Variants in PSMG4 observed in about 807,000 individuals in gnomAD.
The protein encoded by PSMG4 is proteasome (prosome, macropain) assembly chaperone 4.
Under a neutral mutation model 11.0 loss-of-function variants are expected in PSMG4, and 10 were observed. The ratio of observed to expected loss-of-function variants is 0.91; its 90% CI spans 0.56 to 1.54. PSMG4 has a LOEUF of 1.54. Ranked by LOEUF, PSMG4 falls within the 40% of genes most tolerant of loss-of-function variation. The pLI, the probability that PSMG4 is intolerant of heterozygous loss-of-function variation, is 0.00. For synonymous variants in PSMG4, 95 were observed against 71.3 expected (o/e 1.33, Z -1.68); for missense variants, 198 against 160.9 (o/e 1.23, Z -1.25).
rs1201898722 is a variant in PSMG4 at position 3,267,656 on chromosome 6, T to C, written c.316T>C (p.Leu106=). Residue 106 remains leucine, a synonymous_variant, in exon 3 of 3, where the codon TTA becomes CTA. Transcript: ENST00000438998. ...NLQNTDSNFA[L]LVENRIKEEM... ...TCAGAACACAGACAGTAACTTCGCATTACTTGTAGAAAACAGGATCAAGGA... is the reference window on the plus strand; with the variant it reads ...TCAGAACACAGACAGTAACTTCGCACTACTTGTAGAAAACAGGATCAAGGA... 3 of 1,552,224 alleles carry C rather than the reference T, an allele frequency of 1.9e-6. No homozygotes were observed. Among genetic ancestry groups the C allele is most frequent in the Non-Finnish European group, 2.6e-6 (3 of 1,147,064 alleles).
upstream of PSMG4, among the ~76,000 whole-genome samples, chr6:3,256,019 T>G (rs1757750256): frequency 6.6e-6 from 1 of 152,218 alleles, no homozygotes; most frequent in Non-Finnish European, 1.5e-5. Context: ...TTGGTTGGGT[T>G]TATAGAAGTC....
At chr6:3,259,752 CCAGT>C (rs1223228219) in intron 1 of PSMG4, among the ~76,000 whole-genome samples, 3 of 152,204 alleles carry the variant, frequency 2.0e-5, no homozygotes, top group African/African-American at 7.2e-5. Flanking sequence ...GGCACTGCCG[CCAGT>C]CAAAGCAGAC....
upstream of PSMG4, among the ~76,000 whole-genome samples, chr6:3,258,085 C>T (rs1757826840): frequency 6.6e-6 from 1 of 150,736 alleles, no homozygotes; most frequent in Non-Finnish European, 1.5e-5. Flanking sequence ...TTTCTTTTAC[C>T]ACCTTCTCTC....
intron 1 of PSMG4, among the ~76,000 whole-genome samples, chr6:3,260,861 G>A (rs1360192432): frequency 6.6e-6 from 1 of 152,196 alleles, no homozygotes; most frequent in Non-Finnish European, 1.5e-5. Context: ...CGGAGCACTC[G>A]AAGACTCCAG....
chr6:3,257,997 A>T (rs1757822958), upstream of PSMG4, among the ~76,000 whole-genome samples: 1 of 152,238 alleles, frequency 6.6e-6, no homozygotes, highest in African/African-American at 2.4e-5. Context: ...TCTATTAGAG[A>T]TTTTTAAAGC....
At chr6:3,264,169 T>C (rs2127262703) in intron 2 of PSMG4, 1 of 1,550,212 alleles carries the variant, frequency 6.5e-7, no homozygotes, top group Non-Finnish European at 8.7e-7. Flanking sequence ...GTCACCTCTG[T>C]GCAGGAAGGA....
At chr6:3,255,381 GT>G (rs1259693992), upstream of PSMG4, among the ~76,000 whole-genome samples, 1 of 152,190 alleles carries the variant, frequency 6.6e-6, no homozygotes, top group African/African-American at 2.4e-5. Context: ...GATGATGTTT[GT>G]TGAGTGATAA....
intron 1 of PSMG4, among the ~76,000 whole-genome samples, chr6:3,260,275 T>TTATATATATATATATATATATATATATA (rs1261021278): frequency 3.6e-4 from 25 of 69,062 alleles, no homozygotes; most frequent in African/African-American, 1.5e-3. Flanking sequence ...TTGTCTTAAA[T>TTATATATATATATATATATATATATATA]TGTATATATA....
At chr6:3,266,984 T>A (rs1469943719) in intron 2 of PSMG4, 1 of 150,752 alleles carries the variant, frequency 6.6e-6, no homozygotes, top group Non-Finnish European at 1.5e-5. Flanking sequence ...GCCTCCCGAG[T>A]AGCTGGGACT....
In PSMG4 at chr6:3,267,611, G is replaced by C; in HGVS notation, c.271G>C (p.Val91Leu). 6.4e-7 allele frequency: 1 copy of C among 1,551,758 alleles called. No individual in the cohort carries two copies. Among genetic ancestry groups the C allele is most frequent in the East Asian group, 2.4e-5 (1 of 40,916 alleles). ...TTTAGCCAGGAAGACCAACAAACAG[G>C]TGTTTGTCAGCTATAACCTTCAGAA... Reference protein sequence around the residue: ...QRLARKTNKQVFVSYNLQNTD... With the variant: ...QRLARKTNKQLFVSYNLQNTD... The change falls in exon 3 of 3, where the codon GTG (valine) becomes CTG (leucine). Residue 91 changes from valine (V) to leucine (L), a missense_variant. Coordinates refer to ENST00000438998, the MANE Select transcript of PSMG4 (RefSeq NM_001128591.2).
chr6:3,255,315 G>T, upstream of PSMG4: 3 of 1,502,840 alleles, frequency 2.0e-6, no homozygotes, highest in Non-Finnish European at 1.8e-6. Flanking sequence ...TGGTGGATGA[G>T]GCTAACGGCA....
rs79805386 is a variant in PSMG4 at position 3,262,032 on chromosome 6, C to T, written c.175-1652C>T. Among the ~76,000 whole-genome samples the T allele has an allele frequency of 9.2e-3, 1,400 of 152,332 alleles. 10 individuals carry two copies. The highest frequency in any genetic ancestry group is 0.015 in the Non-Finnish European group (1,001 of 68,028). On this transcript the variant is annotated intron_variant, in intron 1 of 2. Transcript: ENST00000438998. Reference sequence around the variant, plus strand: ...CTGTAGAGAACAGACACCATGCAACCCGGAGCTGGCTGACCTTGGGTTGAG... The same window carrying T: ...CTGTAGAGAACAGACACCATGCAACTCGGAGCTGGCTGACCTTGGGTTGAG...
upstream of PSMG4, among the ~76,000 whole-genome samples, chr6:3,255,533 T>C (rs1162579595): frequency 2.6e-5 from 4 of 152,186 alleles, no homozygotes; most frequent in Admixed American, 6.5e-5. Context: ...CATGAGTCTG[T>C]ATAGACTCCA....
upstream of PSMG4, chr6:3,254,983 T>G (rs370284910): frequency 1.3e-5 from 20 of 1,493,046 alleles, no homozygotes; most frequent in East Asian, 9.9e-5. Flanking sequence ...TGGCTGTGGA[T>G]CCCATGGACC....
chr6:3,255,259 TTACCACGGC>T (rs1471643303), upstream of PSMG4: 3 of 1,546,524 alleles, frequency 1.9e-6, no homozygotes, highest in African/African-American at 4.1e-5. Context: ...GGGTTCTGTG[TTACCACGGC>T]TGTCTTACGG....
At chr6:3,262,278 T>C (rs1026183058) in intron 1 of PSMG4, among the ~76,000 whole-genome samples, 3 of 152,132 alleles carry the variant, frequency 2.0e-5, no homozygotes, top group African/African-American at 7.2e-5. Flanking sequence ...TAATGAACTA[T>C]TAAGGGTGAC....
upstream of PSMG4, among the ~76,000 whole-genome samples, chr6:3,257,140 A>C (rs1486729083): frequency 6.6e-6 from 1 of 152,122 alleles, no homozygotes; most frequent in Admixed American, 6.5e-5. Flanking sequence ...TGTCACCTCT[A>C]TTTTCTGCAT....
chr6:3,255,743 G>T (rs182082538), upstream of PSMG4, among the ~76,000 whole-genome samples: 53 of 152,320 alleles, frequency 3.5e-4, no homozygotes, highest in Non-Finnish European at 5.4e-4. Flanking sequence ...GGTGGCAGTG[G>T]GCAAATGCAC....
At chr6:3,261,068 A>AGG (rs746500633) in intron 1 of PSMG4, among the ~76,000 whole-genome samples, 1 of 152,092 alleles carries the variant, frequency 6.6e-6, no homozygotes, top group African/African-American at 2.4e-5. Flanking sequence ...TGAATGAGTG[A>AGG]GGCCCCCTCA....
Sources: allele counts gnomAD v4.1 joint callset (sites outside exome capture counted in the v4.1 genomes callset), GRCh38; gene constraint gnomAD v4.1.1; transcripts MANE v1.5; gene names NCBI Gene and HGNC (gene_info 2026-07-23, HGNC 2026-07-21).